Variants in THADA observed in about 807,000 individuals in gnomAD.
The protein encoded by THADA is tRNA (32-2'-O)-methyltransferase regulator THADA.
Under a neutral mutation model 219.8 loss-of-function variants are expected in THADA, and 213 were observed. That is an observed-to-expected ratio of 0.97 (90% CI 0.87 to 1.09). The LOEUF (loss-of-function observed/expected upper bound fraction) is 1.09, where lower values mean the gene tolerates loss of function less well. THADA is among the 50% of genes least tolerant of loss of function. THADA has a pLI of 0.00. For synonymous variants in THADA, 1,018 were observed against 828.9 expected (o/e 1.23, Z -3.92); for missense variants, 2,956 against 2,311.3 (o/e 1.28, Z -5.72).
At chr2:43,316,337 C>T (rs1318529877) in intron 31 of THADA, among the ~76,000 whole-genome samples, 1 of 152,130 alleles carries the variant, frequency 6.6e-6, no homozygotes, top group African/African-American at 2.4e-5. Context: ...TCTCTATCTC[C>T]AGATACAAGT....
intron 26 of THADA, among the ~76,000 whole-genome samples, chr2:43,469,549 T>C (rs1426208442): frequency 1.3e-5 from 2 of 152,232 alleles, no homozygotes; most frequent in Non-Finnish European, 2.9e-5. Flanking sequence ...AGGAAGACTA[T>C]ACATAACTGG....
Position 43,592,045 on chromosome 2 carries a change from A to C in THADA, c.78T>G (p.Ser26=), listed in dbSNP as rs1701640177. The C allele has an allele frequency of 1.3e-6, 2 of 1,553,074 alleles. No homozygotes were observed. The highest frequency in any genetic ancestry group is 1.7e-6 in the Non-Finnish European group (2 of 1,147,722). The part of the protein sequence containing the change: ...ICHQDLETLK[S]FADVEGKNLA... ...GATTTTTCCCTTCCACATCAGCAAA[A>C]GCTATATAACATATACAAAAAAAAA... Residue 26 remains serine, a splice_region_variant and synonymous_variant, in exon 3 of 38, where the codon TCT becomes TCG. Transcript: ENST00000405975.
chr2:43,551,936 G>T lies in THADA; in HGVS notation c.2811-11C>A, dbSNP rs367548179. The T allele has an allele frequency of 1.9e-6, 3 of 1,593,436 alleles. No homozygotes were observed. The highest frequency in any genetic ancestry group is 2.7e-5 in the African/African-American group (2 of 73,576). On this transcript the variant is annotated splice_polypyrimidine_tract_variant and intron_variant, in intron 18 of 37. Coordinates refer to ENST00000405975, the MANE Select transcript of THADA (RefSeq NM_022065.5). The stretch of plus-strand genomic sequence containing the variant: ...ACCAACTGCAGGCTGCTGCAACAAG[G>T]ACATTAGGGAAATTTATACTAAAAG...
intron 25 of THADA, 37 bp downstream of exon 25, chr2:43,498,795 TA>T: frequency 6.2e-7 from 1 of 1,601,922 alleles, no homozygotes; most frequent in Non-Finnish European, 8.5e-7. Flanking sequence ...CTCAGAAGCA[TA>T]ATTAAATCAA....
chr2:43,432,147 C>T (rs1222536251), intron 26 of THADA, among the ~76,000 whole-genome samples: 4 of 143,418 alleles, frequency 2.8e-5, no homozygotes, highest in East Asian at 2.0e-4. Flanking sequence ...TGAGCCACCG[C>T]GCCCGGCCAA....
At chr2:43,273,449 CTG>C (rs1266902795) in intron 36 of THADA, among the ~76,000 whole-genome samples, 1 of 152,090 alleles carries the variant, frequency 6.6e-6, no homozygotes, top group East Asian at 1.9e-4. Context: ...AATATTGAGT[CTG>C]GGGCCAGGCT....
chr2:43,556,459 A>G lies in THADA; in HGVS notation c.2560T>C (p.Phe854Leu), dbSNP rs1477420597. The change falls in exon 17 of 38, where the codon TTC becomes CTC. Residue 854 changes from phenylalanine to leucine, a missense_variant. Phe to Leu is a conservative substitution (Grantham distance 22). Transcript: ENST00000405975. The stretch of plus-strand genomic sequence containing the variant: ...GGTAGAGCATCCTGCCAGATTAAGA[A>G]GTTCAGCAGGTAGGAAGCTGTCACA... ...DCVTASYLLN[F>L]LIWQDALPSS... 6.2e-7 allele frequency: 1 copy of G among 1,613,822 alleles called. No homozygotes were observed. The highest frequency in any genetic ancestry group is 2.2e-5 in the East Asian group (1 of 44,892).
chr2:43,593,120 G>A (rs1046522118), intron 1 of THADA, among the ~76,000 whole-genome samples: 1 of 152,100 alleles, frequency 6.6e-6, no homozygotes, highest in Non-Finnish European at 1.5e-5. Flanking sequence ...GCAAATATTA[G>A]AGACTATAAT....
At position 43,587,006 on chromosome 2, in the gene THADA, G is replaced by C. The variant is rs1343772738; in HGVS notation, c.303-4C>G. The C allele has an allele frequency of 1.9e-6, 3 of 1,611,118 alleles. No individual in the cohort carries two copies. The highest frequency in any genetic ancestry group is 4.5e-5 in the East Asian group (2 of 44,830). On this transcript the variant is annotated splice_region_variant and splice_polypyrimidine_tract_variant and intron_variant, in intron 4 of 37. Transcript: ENST00000405975. ...ATCAGGCAGGCTATTTAGTGAGCTA[G>C]AAAAAGAAACAAATATTAAAAATCT...
chr2:43,576,768 C>A (rs992551914), intron 10 of THADA, among the ~76,000 whole-genome samples: 1 of 152,132 alleles, frequency 6.6e-6, no homozygotes, highest in African/African-American at 2.4e-5. Context: ...AATGTTCTCA[C>A]CTCAGCCTCC....
chr2:43,484,285 T>C (rs1199561596), intron 26 of THADA: 2 of 167,418 alleles, frequency 1.2e-5, no homozygotes, highest in Non-Finnish European at 2.9e-5. Context: ...AATGATTTCA[T>C]ATTTTTTTAA....
chr2:43,585,346 CA>C lies in THADA; in HGVS notation c.533+1054del, dbSNP rs34682195. On this transcript the variant is annotated intron_variant, in intron 7 of 37. Transcript: ENST00000405975. ...GCATTATAGTGAGACCTCATTCCTACAAAAAAAAAAAAAAAAAAAAAATTAG... is the reference window on the plus strand; with the variant it reads ...GCATTATAGTGAGACCTCATTCCTACAAAAAAAAAAAAAAAAAAAAATTAG... 6.1e-3 allele frequency among the ~76,000 whole-genome samples: 582 copies of C among 95,312 alleles called. 2 individuals are homozygous for C. The highest frequency in any genetic ancestry group is 0.012 in the African/African-American group (328 of 26,826). The allele number at this position is 95,312 out of a possible 152,430, so 62.5% of individuals were successfully genotyped here. A position where few individuals can be genotyped will look rare whatever the true frequency, so the allele number is the denominator to read the frequency against.
intron 1 of THADA, chr2:43,592,723 G>A (rs540197267): frequency 4.7e-5 from 9 of 190,560 alleles, no homozygotes; most frequent in Admixed American, 3.0e-4. Context: ...ACTGACTGAA[G>A]TTATTTTACC....
intron 26 of THADA, among the ~76,000 whole-genome samples, chr2:43,442,600 G>A (rs1326170419): frequency 6.6e-6 from 1 of 152,084 alleles, no homozygotes; most frequent in East Asian, 1.9e-4. Flanking sequence ...TTTTTTTTCT[G>A]GCATTAATTT....
chr2:43,391,909 G>A (rs1673430176), intron 29 of THADA: 2 of 152,120 alleles, frequency 1.3e-5, no homozygotes, highest in Admixed American at 1.3e-4. Flanking sequence ...TCTTCAAAAA[G>A]AAAGAATAAA....
intron 28 of THADA, among the ~76,000 whole-genome samples, chr2:43,400,045 G>A (rs571214900): frequency 1.3e-5 from 2 of 152,260 alleles, no homozygotes; most frequent in African/African-American, 4.8e-5. Flanking sequence ...GTTACCGAAA[G>A]GGCTCTTGTA....
intron 22 of THADA, among the ~76,000 whole-genome samples, chr2:43,524,178 T>TA (rs1336228056): frequency 6.6e-6 from 1 of 152,180 alleles, no homozygotes; most frequent in Non-Finnish European, 1.5e-5. Flanking sequence ...AAGCACGACA[T>TA]AAAAAAATCA....
At chr2:43,397,142 C>A (rs1256184920) in intron 29 of THADA, among the ~76,000 whole-genome samples, 1 of 152,144 alleles carries the variant, frequency 6.6e-6, no homozygotes, top group Non-Finnish European at 1.5e-5. Flanking sequence ...AGAGTTTCAC[C>A]TTGTTAATCA....
intron 8 of THADA, among the ~76,000 whole-genome samples, chr2:43,581,484 C>T (rs1700438788): frequency 7.0e-6 from 1 of 143,194 alleles, no homozygotes; most frequent in African/African-American, 2.7e-5. Context: ...GCAGAGGTTG[C>T]AGTGAATAAA....
Sources: gnomAD v4.1 joint callset for allele counts (sites outside exome capture counted in the v4.1 genomes callset) on GRCh38, gnomAD v4.1.1 for gene constraint, MANE v1.5 for transcripts, NCBI Gene and HGNC (gene_info 2026-07-23, HGNC 2026-07-21) for gene names.